The following DMXL1 variants were observed in gnomAD, a reference collection of about 807,000 sequenced individuals.
DMXL1 encodes Dmx like 1, also known as dmX-like protein 1.
In DMXL1, 99 loss-of-function variants were observed where a neutral mutation model predicts 319.2. That is an observed-to-expected ratio of 0.31 (90% CI 0.26 to 0.37). DMXL1 has a LOEUF of 0.37. Among genes scored for constraint, DMXL1 ranks in the 10% least tolerant of loss-of-function variants. The probability of loss-of-function intolerance (pLI) is 1.00; values close to 1 mark genes in which losing one functional copy is unlikely to be tolerated. For missense variants in DMXL1, 3,745 were observed against 3,595.6 expected, an observed-to-expected ratio of 1.04 and a Z score of -1.06; for synonymous variants, 1,385 against 1,235.2, an observed-to-expected ratio of 1.12 and a Z score of -2.54.
At chr5:119,169,439 C>G (rs577863090) in intron 23 of DMXL1, among the ~76,000 whole-genome samples, 6 of 152,012 alleles carry the variant, frequency 3.9e-5, no homozygotes, top group Non-Finnish European at 8.8e-5. Flanking sequence ...AAAGGTAACT[C>G]CTGGCTTTTT....
intron 14 of DMXL1, 91 bp from the exon 15 acceptor site, chr5:119,144,445 A>G (rs2150114006): frequency 1.1e-6 from 1 of 933,860 alleles, no homozygotes; most frequent in Non-Finnish European, 1.7e-6. Context: ...CTGCCTTTAA[A>G]TATCTCATTA....
At chr5:119,156,498 A>G (rs1350416199) in intron 19 of DMXL1, among the ~76,000 whole-genome samples, 1 of 152,134 alleles carries the variant, frequency 6.6e-6, no homozygotes, top group Non-Finnish European at 1.5e-5. Context: ...TAATTTATTG[A>G]TGGATACTTA....
chr5:119,120,068 A>T (rs1382169575), intron 8 of DMXL1, among the ~76,000 whole-genome samples: 1 of 151,546 alleles, frequency 6.6e-6, no homozygotes, highest in Non-Finnish European at 1.5e-5. Flanking sequence ...TAAAGTGGAG[A>T]TGGGGTTTTG....
At position 119,121,062 on chromosome 5, in the gene DMXL1, A is replaced by G; in HGVS notation, c.1025A>G (p.His342Arg). ...GYLPHQQDPHHVHRNTPLHAN... is the reference protein window; with the variant it reads ...GYLPHQQDPHRVHRNTPLHAN... ...CTACCACATCAGCAGGATCCTCATC[A>G]TGTTCACAGGAACACTCCACTGCAT... Residue 342 changes from histidine to arginine, a missense_variant, in exon 9 of 44, where the codon CAT becomes CGT. Transcript: ENST00000539542. 2 of 1,613,778 alleles carry G rather than the reference A, an allele frequency of 1.2e-6. No individual in the cohort carries two copies. The highest frequency in any genetic ancestry group is 1.1e-5 in the South Asian group (1 of 91,022).
chr5:119,133,010 C>T, intron 10 of DMXL1, 122 bp from the exon 11 acceptor site: 1 of 1,025,784 alleles, frequency 9.7e-7, no homozygotes. Context: ...GGGTACAGAG[C>T]TTCCATGCTC....
intron 34 of DMXL1, among the ~76,000 whole-genome samples, 191 bp downstream of exon 34, chr5:119,207,087 A>G (rs940600330): frequency 6.6e-6 from 1 of 152,226 alleles, no homozygotes; most frequent in Non-Finnish European, 1.5e-5. Flanking sequence ...GTTAGATAAG[A>G]GAATGCAATT....
intron 19 of DMXL1, among the ~76,000 whole-genome samples, chr5:119,159,798 A>G (rs1771891547): frequency 6.6e-6 from 1 of 151,972 alleles, no homozygotes; most frequent in Non-Finnish European, 1.5e-5. Flanking sequence ...TAATTTTTGT[A>G]TTTTTAGTAG....
intron 13 of DMXL1, among the ~76,000 whole-genome samples, chr5:119,136,777 G>C (rs1580942321): frequency 6.6e-6 from 1 of 152,274 alleles, no homozygotes; most frequent in South Asian, 2.1e-4. Context: ...TGCAGAAGAT[G>C]AGAGTTGAGG....
intron 38 of DMXL1, among the ~76,000 whole-genome samples, chr5:119,228,309 C>G (rs1449600058): frequency 6.6e-6 from 1 of 152,158 alleles, no homozygotes; most frequent in African/African-American, 2.4e-5. Context: ...CAGTGAAGAT[C>G]AGGAGAAACA....
chr5:119,134,417 A>G (rs766022695), intron 13 of DMXL1, 28 bp downstream of exon 13: 2 of 1,553,644 alleles, frequency 1.3e-6, no homozygotes, highest in Non-Finnish European at 1.7e-6. Flanking sequence ...AAACAGCTTA[A>G]GTATATAATA....
chr5:119,136,754 G>A (rs909892935), intron 13 of DMXL1, among the ~76,000 whole-genome samples: 6 of 152,256 alleles, frequency 3.9e-5, no homozygotes, highest in African/African-American at 1.4e-4. Context: ...ACATGGTATT[G>A]GGCCTGTGGG....
Position 119,090,962 on chromosome 5 carries a change from G to A in DMXL1, c.88-7017G>A, listed in dbSNP as rs1754665904. ...TGGAGAGCCTCTAATGAATTTTTCA[G>A]TTCAGCAAATGTATTTCTCAGTTCC... On this transcript the variant is annotated intron_variant, in intron 1 of 43. Transcript: ENST00000539542. Among the ~76,000 whole-genome samples the A allele has an allele frequency of 3.3e-5, 5 of 151,760 alleles. No homozygotes were observed. The South Asian group carries it at 1.0e-3, about 32-fold the overall frequency.
At chr5:119,179,077 A>G (rs72784093) in intron 28 of DMXL1, among the ~76,000 whole-genome samples, 9,320 of 152,144 alleles carry the variant, frequency 0.061, 381 homozygotes, top group Non-Finnish European at 0.084. Context: ...TTGGATTTCT[A>G]AGTGTTCATA....
chr5:119,170,671 G>A lies in DMXL1; in HGVS notation c.5880G>A (p.Gln1960=). 1 of 1,613,500 alleles carries A rather than the reference G, an allele frequency of 6.2e-7. No homozygotes were observed. Among genetic ancestry groups the A allele is most frequent in the African/African-American group, 1.3e-5 (1 of 74,826 alleles). Residue 1960 remains glutamine, a synonymous_variant, in exon 24 of 44, where the codon CAG becomes CAA. Transcript: ENST00000539542. Reference sequence around the variant, plus strand: ...GGAGCCAACCAAGTGTTGTGTTTCAGGATGACTCTTTAGAGTTAAAATGGG... The same window carrying A: ...GGAGCCAACCAAGTGTTGTGTTTCAAGATGACTCTTTAGAGTTAAAATGGG... ...FDWSQPSVVF[Q]DDSLELKWDS...
At position 119,129,442 on chromosome 5, in the gene DMXL1, G is replaced by A. The variant is rs763613115; in HGVS notation, c.1315+19G>A. The A allele has an allele frequency of 6.4e-7, 1 of 1,555,574 alleles. No individual in the cohort carries two copies. Among genetic ancestry groups the A allele is most frequent in the Admixed American group, 2.0e-5 (1 of 49,872 alleles). On this transcript the variant is annotated intron_variant, in intron 10 of 43. Transcript: ENST00000539542. ...GATGAAGGTAAACTTTAAGAGGAAA[G>A]GAAAATTTAAAGTTTTGCTCAAAAT...
chr5:119,113,905 T>C (rs1760227328), intron 5 of DMXL1, among the ~76,000 whole-genome samples: 1 of 152,212 alleles, frequency 6.6e-6, no homozygotes, highest in Non-Finnish European at 1.5e-5. Context: ...AAAGCAGTGA[T>C]AGTGGTGAGT....
intron 7 of DMXL1, among the ~76,000 whole-genome samples, chr5:119,117,148 C>T (rs896370618): frequency 1.1e-4 from 17 of 152,168 alleles, no homozygotes; most frequent in African/African-American, 4.1e-4. Flanking sequence ...CCCGCCTCAG[C>T]GTCTCAAATA....
At chr5:119,180,802 A>G (rs1776646758) in intron 28 of DMXL1, among the ~76,000 whole-genome samples, 1 of 152,218 alleles carries the variant, frequency 6.6e-6, no homozygotes. Flanking sequence ...GTTTAATTTT[A>G]AATTAAAAAT....
chr5:119,233,514 T>A, intron 39 of DMXL1, 47 bp downstream of exon 39: 1 of 1,548,952 alleles, frequency 6.5e-7, no homozygotes. Context: ...GTGTTGGAGG[T>A]TTATAAATTC....
Sources: allele counts gnomAD v4.1 joint callset (sites outside exome capture counted in the v4.1 genomes callset), GRCh38; gene constraint gnomAD v4.1.1; transcripts MANE v1.5; gene names NCBI Gene and HGNC (gene_info 2026-07-23, HGNC 2026-07-21).